The following DNAJC1 variants were observed in gnomAD, a reference collection of about 807,000 sequenced individuals.
DNAJC1 encodes the protein DnaJ heat shock protein family (Hsp40) member C1, also known as dnaJ homolog subfamily C member 1.
A neutral mutation model predicts 76.6 loss-of-function variants in DNAJC1; 58 were observed. That is an observed-to-expected ratio of 0.76 (90% confidence interval 0.61 to 0.94). The LOEUF (loss-of-function observed/expected upper bound fraction) is 0.94. Among genes scored for constraint, DNAJC1 ranks in the 40% least tolerant of loss-of-function variants. The pLI, the probability that DNAJC1 is intolerant of heterozygous loss-of-function variation, is 0.00. For missense variants in DNAJC1, 689 were observed against 677.3 expected (o/e 1.02, Z -0.19); for synonymous variants, 258 against 267.9 (o/e 0.96, Z 0.36).
chr10:21,769,037 T>C (rs1340249271), intron 9 of DNAJC1, among the ~76,000 whole-genome samples: 1 of 152,218 alleles, frequency 6.6e-6, no homozygotes, highest in Non-Finnish European at 1.5e-5. Flanking sequence ...TAGTTTTCCT[T>C]CTTTCTCTGA....
intron 6 of DNAJC1, among the ~76,000 whole-genome samples, chr10:21,910,856 G>C (rs1202580009): frequency 1.5e-5 from 2 of 135,422 alleles, no homozygotes; most frequent in Non-Finnish European, 3.2e-5. Context: ...GGAGAGGAGA[G>C]GAGAGGAGAG....
At chr10:21,977,891 T>C (rs1399667445) in intron 1 of DNAJC1, among the ~76,000 whole-genome samples, 1 of 152,090 alleles carries the variant, frequency 6.6e-6, no homozygotes, top group Non-Finnish European at 1.5e-5. Context: ...AAATAATAAG[T>C]AAATTTCTTT....
chr10:22,003,554 C>G lies in DNAJC1; in HGVS notation c.-120G>C. 2 of 1,181,448 alleles carry G rather than the reference C, an allele frequency of 1.7e-6. No individual in the cohort carries two copies. Among genetic ancestry groups the G allele is most frequent in the Non-Finnish European group, 2.1e-6 (2 of 933,798 alleles). 73.2% of individuals were successfully genotyped at this position (1,181,448 alleles called of 1,614,324 possible). ...CAGTGAAAAGCGCGGGCAGGCGCAC[C>G]GGAGCGGCCCGCCAGGTGGCTGGCC... On this transcript the variant is annotated 5_prime_UTR_variant, in exon 1 of 12. Transcript: ENST00000376980.
chr10:21,966,235 T>C (rs1319495553), intron 1 of DNAJC1, among the ~76,000 whole-genome samples: 2 of 152,178 alleles, frequency 1.3e-5, no homozygotes, highest in Admixed American at 6.6e-5. Context: ...TTACTGGTAA[T>C]ACTAACACTG....
intron 7 of DNAJC1, among the ~76,000 whole-genome samples, chr10:21,895,726 T>C (rs1221546379): frequency 6.6e-6 from 1 of 152,050 alleles, no homozygotes; most frequent in Non-Finnish European, 1.5e-5. Flanking sequence ...ATCAAGACAA[T>C]GGAAGAATGA....
chr10:21,796,356 G>A (rs1834750659), intron 9 of DNAJC1, among the ~76,000 whole-genome samples: 1 of 152,088 alleles, frequency 6.6e-6, no homozygotes. Context: ...TGGACATTTA[G>A]GCTGTTTCCA....
At chr10:21,996,112 G>C (rs573932250) in intron 1 of DNAJC1, among the ~76,000 whole-genome samples, 1 of 152,260 alleles carries the variant, frequency 6.6e-6, no homozygotes, top group South Asian at 2.1e-4. Context: ...CTAGGGTCCT[G>C]CTTCATCCAA....
intron 9 of DNAJC1, among the ~76,000 whole-genome samples, chr10:21,777,418 A>G (rs1337336805): frequency 6.6e-6 from 1 of 152,236 alleles, no homozygotes; most frequent in Non-Finnish European, 1.5e-5. Flanking sequence ...ATTAGAGCAT[A>G]ATGAGTCCTT....
intron 1 of DNAJC1, among the ~76,000 whole-genome samples, chr10:21,989,627 GAGA>G (rs1430355517): frequency 1.3e-5 from 2 of 152,190 alleles, no homozygotes. Context: ...ATGCGAAAGT[GAGA>G]AGGACACTGC....
chr10:21,835,024 GCCT>G (rs1035648927), intron 8 of DNAJC1, among the ~76,000 whole-genome samples: 3 of 152,354 alleles, frequency 2.0e-5, no homozygotes, highest in Non-Finnish European at 4.4e-5. Flanking sequence ...TGGGCAGACT[GCCT>G]CCTCAAGTGG....
Position 21,851,245 on chromosome 10 carries a change from T to C in DNAJC1, c.978+31037A>G, listed in dbSNP as rs945570531. Among the ~76,000 whole-genome samples, 16 of 152,310 alleles carry C rather than the reference T, an allele frequency of 1.1e-4. No homozygotes were observed. In the East Asian group the frequency reaches 2.5e-3, roughly 24 times the overall value. Reference sequence around the variant, plus strand: ...AGAGAAAATATTTACAATTCGTATATCTGATAAGCACCTAGTATGCAGAAT... The same window carrying C: ...AGAGAAAATATTTACAATTCGTATACCTGATAAGCACCTAGTATGCAGAAT... On this transcript the variant is annotated intron_variant, in intron 8 of 11. Coordinates refer to ENST00000376980, the MANE Select transcript of DNAJC1 (RefSeq NM_022365.4).
intron 9 of DNAJC1, among the ~76,000 whole-genome samples, chr10:21,772,342 T>C (rs958387065): frequency 6.9e-6 from 1 of 144,126 alleles, no homozygotes; most frequent in Non-Finnish European, 1.5e-5. Context: ...GTGGTGAAAC[T>C]ATCTGGACTT....
chr10:21,809,833 A>T (rs531274963), intron 8 of DNAJC1, among the ~76,000 whole-genome samples: 1 of 152,296 alleles, frequency 6.6e-6, no homozygotes, highest in South Asian at 2.1e-4. Context: ...TAAAAACTAA[A>T]TAACCTCAAA....
At chr10:21,858,511 T>C (rs1018545256) in intron 8 of DNAJC1, among the ~76,000 whole-genome samples, 4 of 152,210 alleles carry the variant, frequency 2.6e-5, no homozygotes, top group Non-Finnish European at 4.4e-5. Context: ...CAAGGTTTCA[T>C]GGAAGAAAAT....
chr10:21,908,195 T>TATATAATATATAAAAATATATAA (rs1836786891), intron 6 of DNAJC1, among the ~76,000 whole-genome samples: 1 of 99,332 alleles, frequency 1.0e-5, no homozygotes, highest in African/African-American at 4.2e-5. Flanking sequence ...AAAATATATA[T>TATATAATATATAAAAATATATAA]TATATATATA....
At chr10:21,849,619 G>T (rs541532676) in intron 8 of DNAJC1, among the ~76,000 whole-genome samples, 2 of 152,056 alleles carry the variant, frequency 1.3e-5, no homozygotes, top group Non-Finnish European at 2.9e-5. Flanking sequence ...ATTTTATGAT[G>T]CCAGTATTAC....
intron 8 of DNAJC1, among the ~76,000 whole-genome samples, chr10:21,816,209 AAC>A (rs1835072270): frequency 6.7e-6 from 1 of 149,890 alleles, no homozygotes; most frequent in Non-Finnish European, 1.5e-5. Context: ...CTCTACTAAA[AAC>A]ACAAAAATTA....
chr10:21,969,810 TA>T (rs1465852340), intron 1 of DNAJC1, among the ~76,000 whole-genome samples: 2 of 152,168 alleles, frequency 1.3e-5, no homozygotes, highest in African/African-American at 4.8e-5. Context: ...CTCAAGAATA[TA>T]ACATCAATGA....
intron 9 of DNAJC1, among the ~76,000 whole-genome samples, chr10:21,790,537 A>C (rs1834672119): frequency 6.6e-6 from 1 of 150,792 alleles, no homozygotes; most frequent in Non-Finnish European, 1.5e-5. Context: ...ACCAAAGAAT[A>C]CTGTACCCAG....
Sources: gnomAD v4.1 joint callset for allele counts (sites outside exome capture counted in the v4.1 genomes callset) on GRCh38, gnomAD v4.1.1 for gene constraint, MANE v1.5 for transcripts, NCBI Gene and HGNC (gene_info 2026-07-23, HGNC 2026-07-21) for gene names.